PRDM16: variants seen among roughly 807,000 people sequenced by gnomAD.
PRDM16 encodes PR/SET domain 16.
Under a neutral mutation model 110.6 loss-of-function variants are expected in PRDM16, and 23 were observed. The observed-to-expected ratio is 0.21, with a 90% CI of 0.15 to 0.29. The LOEUF (loss-of-function observed/expected upper bound fraction) is 0.29. Among genes scored for constraint, PRDM16 ranks in the 10% least tolerant of loss-of-function variants. PRDM16 has a pLI of 1.00. For synonymous variants in PRDM16, 799 were observed against 781.8 expected (o/e 1.02, Z -0.37); for missense variants, 1,615 against 1,794.3 (o/e 0.90, Z 1.81).
Position 3,143,658 on chromosome 1 carries a change from G to A in PRDM16, c.38-42467G>A, listed in dbSNP as rs1643593173. Among the ~76,000 whole-genome samples the A allele has an allele frequency of 6.6e-6, 1 of 152,140 alleles. No individual in the cohort carries two copies. Among genetic ancestry groups the A allele is most frequent in the African/African-American group, 2.4e-5 (1 of 41,422 alleles). On this transcript the variant is annotated intron_variant, in intron 1 of 16. Coordinates refer to ENST00000270722, the MANE Select transcript of PRDM16 (RefSeq NM_022114.4). The surrounding 1 kb of genome is among the most constrained non-coding windows in gnomAD (Gnocchi z 4.5). ...CGCCCGGCTAATTTTTGTATTTTTA[G>A]TAGAGATGGGGTTTCATCATTGTGG...
chr1:3,405,451 G>A (rs374018370), intron 7 of PRDM16, 44 bp from the exon 8 acceptor site: 47 of 1,509,214 alleles, frequency 3.1e-5, no homozygotes, highest in South Asian at 1.6e-4. Context: ...AGGCCAAGGC[G>A]GGTGTCCAGG....
intron 2 of PRDM16, among the ~76,000 whole-genome samples, chr1:3,197,815 G>A (rs1018249519): frequency 2.6e-4 from 40 of 152,102 alleles, no homozygotes; most frequent in Admixed American, 1.0e-3. Flanking sequence ...CAGGTCCCAC[G>A]CGTTCCAGGC....
rs568586655 is a variant in PRDM16 at position 3,359,702 on chromosome 1, C to G, written c.439-25450C>G. Among the ~76,000 whole-genome samples, 16 of 152,286 alleles carry G rather than the reference C, an allele frequency of 1.1e-4. No homozygotes were observed. The highest frequency in any genetic ancestry group is 3.8e-4 in the African/African-American group (16 of 41,560). The stretch of plus-strand genomic sequence containing the variant: ...TTTTTGGCAATCTTGACTTCTTTCC[C>G]CCTTGGAAAAAAAGCGTCCTCTGTG... On this transcript the variant is annotated intron_variant, in intron 3 of 16. Transcript: ENST00000270722. The surrounding 1 kb of genome is among the most constrained non-coding windows in gnomAD (Gnocchi z 4.3).
chr1:3,418,359 G>T (rs967493931), intron 11 of PRDM16, among the ~76,000 whole-genome samples: 1 of 152,122 alleles, frequency 6.6e-6, no homozygotes, highest in East Asian at 1.9e-4. Context: ...ACACCCTCCC[G>T]GCCACCCTCT....
At chr1:3,171,629 C>T (rs1437186455) in intron 1 of PRDM16, among the ~76,000 whole-genome samples, 1 of 152,224 alleles carries the variant, frequency 6.6e-6, no homozygotes, top group African/African-American at 2.4e-5. Context: ...GCTCTGGCCA[C>T]GAGCTGAGCT....
At chr1:3,342,536 C>T (rs907006153) in intron 3 of PRDM16, among the ~76,000 whole-genome samples, 3 of 152,208 alleles carry the variant, frequency 2.0e-5, no homozygotes, top group African/African-American at 7.2e-5. Context: ...GTGATATATA[C>T]GGTAGCCTAT....
At chr1:3,392,335 A>C (rs547662680) in intron 4 of PRDM16, among the ~76,000 whole-genome samples, 1 of 152,354 alleles carries the variant, frequency 6.6e-6, no homozygotes, top group South Asian at 2.1e-4. Flanking sequence ...ACTTGATTCA[A>C]GCCTGCCTTT....
intron 2 of PRDM16, among the ~76,000 whole-genome samples, chr1:3,222,279 C>A (rs1021385611): frequency 1.4e-5 from 2 of 143,694 alleles, no homozygotes; most frequent in African/African-American, 5.0e-5. Context: ...ATGTAATTCC[C>A]CTGGGAGGGA....
At chr1:3,207,759 A>G (rs1461419871) in intron 2 of PRDM16, 1 of 152,048 alleles carries the variant, frequency 6.6e-6, no homozygotes, top group Non-Finnish European at 1.5e-5. Context: ...AGTCAGAATT[A>G]CCCCAATAAT....
At chr1:3,320,704 C>T (rs1445058023) in intron 3 of PRDM16, among the ~76,000 whole-genome samples, 1 of 152,218 alleles carries the variant, frequency 6.6e-6, no homozygotes, top group Non-Finnish European at 1.5e-5. Flanking sequence ...GCACAAAGGT[C>T]CTCCTGAGAT....
At chr1:3,377,782 C>A (rs1041206998) in intron 3 of PRDM16, among the ~76,000 whole-genome samples, 1 of 152,196 alleles carries the variant, frequency 6.6e-6, no homozygotes, top group Non-Finnish European at 1.5e-5. Flanking sequence ...GGCTGGGCCG[C>A]TCCTTCCCTC....
intron 2 of PRDM16, among the ~76,000 whole-genome samples, chr1:3,194,632 C>T (rs993709637): frequency 7.2e-4 from 105 of 146,498 alleles, no homozygotes; most frequent in African/African-American, 2.5e-3. Flanking sequence ...CACACGCCAC[C>T]GTCTCCCCGC....
rs370241207 is a variant in PRDM16 at position 3,163,668 on chromosome 1, C to T, written c.38-22457C>T. On this transcript the variant is annotated intron_variant, in intron 1 of 16. Coordinates refer to ENST00000270722, the MANE Select transcript of PRDM16 (RefSeq NM_022114.4). ...TTTGGAGGCTCTGAGAACCCTTGTCCCGGCCTCCTTCTGGCTCCCTGGGGC... is the reference window on the plus strand; with the variant it reads ...TTTGGAGGCTCTGAGAACCCTTGTCTCGGCCTCCTTCTGGCTCCCTGGGGC... 2.3e-4 allele frequency among the ~76,000 whole-genome samples: 35 copies of T among 152,290 alleles called. No homozygotes were observed. The South Asian group carries it at 7.3e-3, about 32-fold the overall frequency.
rs775245244 is a variant in PRDM16, at chr1:3,430,993, G to A, written c.3406G>A (p.Gly1136Arg). 195 of 1,600,860 alleles carry A rather than the reference G, an allele frequency of 1.2e-4. 1 individual carries two copies. Among genetic ancestry groups the A allele is most frequent in the Admixed American group, 2.8e-4 (16 of 57,654 alleles). The change falls in exon 15 of 17, where the codon GGG becomes AGG. Residue 1136 changes from glycine to arginine, a missense_variant. Gly to Arg is a moderately radical substitution (Grantham distance 125, BLOSUM62 -2). Around this residue, in one of 5 missense-constraint regions of PRDM16, gnomAD observed 327 missense variants for 359.3 expected, o/e 0.91. Coordinates refer to ENST00000270722, the MANE Select transcript of PRDM16 (RefSeq NM_022114.4). ...LEEDDEDSLA[G>R]KSQDDTVSPA... ...GGAGGACGATGAGGACAGCCTGGCC[G>A]GGAAGTCGCAGGATGACACCGTGTC...
intron 1 of PRDM16, among the ~76,000 whole-genome samples, chr1:3,181,690 ACG>A (rs1644198617): frequency 1.9e-5 from 2 of 103,976 alleles, no homozygotes; most frequent in South Asian, 3.7e-4. Context: ...AGTCTTACAC[ACG>A]GTCTTACACA....
intron 3 of PRDM16, among the ~76,000 whole-genome samples, chr1:3,351,834 G>A (rs1254254811): frequency 6.8e-6 from 1 of 147,450 alleles, no homozygotes; most frequent in Non-Finnish European, 1.5e-5. Flanking sequence ...GCCATTTGGG[G>A]GGTTCCGCCT....
At chr1:3,207,765 A>G (rs1055566942) in intron 2 of PRDM16, 1 of 152,178 alleles carries the variant, frequency 6.6e-6, no homozygotes, top group African/African-American at 2.4e-5. Flanking sequence ...AATTACCCCA[A>G]TAATTGCGCT....
At chr1:3,373,709 C>G (rs1290732568) in intron 3 of PRDM16, among the ~76,000 whole-genome samples, 1 of 152,200 alleles carries the variant, frequency 6.6e-6, no homozygotes, top group Non-Finnish European at 1.5e-5. Context: ...TCAGTTCTAG[C>G]AGCCTGGCCC....
rs1190706071 is a variant in PRDM16, at chr1:3,181,428, T to C, written c.38-4697T>C. 5.4e-5 allele frequency among the ~76,000 whole-genome samples: 4 copies of C among 73,620 alleles called. 2 individuals are homozygous for C. In the Admixed American group the frequency reaches 7.4e-4, roughly 14 times the overall value. The allele number at this position is 73,620 out of a possible 152,430, so 48.3% of individuals were successfully genotyped here. On this transcript the variant is annotated intron_variant, in intron 1 of 16. Transcript: ENST00000270722. ...TACACACGCAGTCTTACACACGCGGTCTTACACAAGCAGTCTTACACGGTC... is the reference window on the plus strand; with the variant it reads ...TACACACGCAGTCTTACACACGCGGCCTTACACAAGCAGTCTTACACGGTC...
Sources: gnomAD v4.1 joint callset for allele counts (sites outside exome capture counted in the v4.1 genomes callset) on GRCh38, gnomAD v4.1.1 for gene constraint, gnomAD v4.1.1 regional missense constraint, Gnocchi (gnomAD v3.1) non-coding constraint, MANE v1.5 for transcripts, NCBI Gene and HGNC (gene_info 2026-07-23, HGNC 2026-07-21) for gene names.